NXPE2: variants seen among roughly 807,000 people sequenced by gnomAD.
The protein encoded by NXPE2 is NXPE family member 2.
Under a neutral mutation model 34.4 loss-of-function variants are expected in NXPE2, and 34 were observed. The ratio of observed to expected loss-of-function variants is 0.99; its 90% confidence interval spans 0.75 to 1.31. The LOEUF (loss-of-function observed/expected upper bound fraction) is 1.31. Ranked by LOEUF, NXPE2 falls within the 40% of genes most tolerant of loss-of-function variation. NXPE2 has a pLI of 0.00. For missense variants in NXPE2, 649 were observed against 672.5 expected (o/e 0.97, Z 0.39); for synonymous variants, 235 against 231.3 (o/e 1.02, Z -0.15).
chr11:114,484,172 C>T, the NXPE2 span, among the ~76,000 whole-genome samples: 4 of 152,188 alleles, frequency 2.6e-5, no homozygotes, highest in South Asian at 8.3e-4. Flanking sequence ...TACCCCTCCC[C>T]TATCCCTTTG....
the NXPE2 span, among the ~76,000 whole-genome samples, chr11:114,636,916 T>G: frequency 6.6e-6 from 1 of 152,068 alleles, no homozygotes; most frequent in Non-Finnish European, 1.5e-5. Context: ...GTGTGGTGTG[T>G]TGCTGAAAAA....
At chr11:114,524,538 A>C in the NXPE2 span, among the ~76,000 whole-genome samples, 2 of 152,202 alleles carry the variant, frequency 1.3e-5, no homozygotes, top group African/African-American at 2.4e-5. Flanking sequence ...AGTTTGTATA[A>C]TCCTATAATT....
chr11:114,575,247 G>A, the NXPE2 span, among the ~76,000 whole-genome samples: 1 of 152,026 alleles, frequency 6.6e-6, no homozygotes, highest in South Asian at 2.1e-4. Flanking sequence ...ACTGAATGGG[G>A]AAAAGTTGAA....
At chr11:114,720,837 G>T in the NXPE2 span, among the ~76,000 whole-genome samples, 1 of 152,114 alleles carries the variant, frequency 6.6e-6, no homozygotes. Context: ...GCACAGTTGA[G>T]CTCATGATTT....
chr11:114,611,763 G>T, the NXPE2 span, among the ~76,000 whole-genome samples: 8 of 151,790 alleles, frequency 5.3e-5, no homozygotes, highest in Non-Finnish European at 1.0e-4. Flanking sequence ...ATTGCCTCAT[G>T]GGTAACCACT....
At chr11:114,609,737 T>C in the NXPE2 span, among the ~76,000 whole-genome samples, 1 of 151,816 alleles carries the variant, frequency 6.6e-6, no homozygotes, top group African/African-American at 2.4e-5. Context: ...GCCTCATGGA[T>C]AACCACTGTT....
At chr11:114,795,227 G>A in the NXPE2 span, among the ~76,000 whole-genome samples, 2 of 152,172 alleles carry the variant, frequency 1.3e-5, no homozygotes, top group African/African-American at 2.4e-5. Flanking sequence ...TTGGAGAAGG[G>A]ATGTGAAGGA....
chr11:114,677,289 T>A (rs545157817), upstream of NXPE2, among the ~76,000 whole-genome samples: 5 of 151,994 alleles, frequency 3.3e-5, no homozygotes, highest in African/African-American at 1.2e-4. Context: ...ACCACACAAA[T>A]AAAAATAACC....
the NXPE2 span, chr11:114,521,854 G>T: frequency 1.2e-6 from 1 of 820,818 alleles, no homozygotes; most frequent in Non-Finnish European, 1.9e-6. Context: ...TCCCCAAACA[G>T]ATTCTTTTAA....
chr11:114,613,995 C>G, the NXPE2 span, among the ~76,000 whole-genome samples: 1 of 151,818 alleles, frequency 6.6e-6, no homozygotes, highest in Non-Finnish European at 1.5e-5. Flanking sequence ...AGGGTTACCA[C>G]TGTTACCCAG....
the NXPE2 span, among the ~76,000 whole-genome samples, chr11:114,721,563 A>G: frequency 6.6e-6 from 1 of 152,186 alleles, no homozygotes; most frequent in African/African-American, 2.4e-5. Flanking sequence ...CATGTGGAGG[A>G]TTAGCTGACA....
chr11:114,607,131 G>T, the NXPE2 span, among the ~76,000 whole-genome samples: 1 of 151,332 alleles, frequency 6.6e-6, no homozygotes, highest in Non-Finnish European at 1.5e-5. Context: ...TATAATAAGT[G>T]TTGCCTCTTG....
chr11:114,634,734 T>G, the NXPE2 span, among the ~76,000 whole-genome samples: 3 of 152,060 alleles, frequency 2.0e-5, no homozygotes, highest in Non-Finnish European at 4.4e-5. Flanking sequence ...CTTTCCCCAT[T>G]GCTTGTTTTT....
chr11:114,740,587 C>A, the NXPE2 span, among the ~76,000 whole-genome samples: 1 of 152,064 alleles, frequency 6.6e-6, no homozygotes, highest in African/African-American at 2.4e-5. Flanking sequence ...TTCCCACTAA[C>A]AATGTATAAG....
the NXPE2 span, among the ~76,000 whole-genome samples, chr11:114,629,037 A>G: frequency 1.3e-5 from 2 of 152,104 alleles, no homozygotes; most frequent in African/African-American, 4.8e-5. Flanking sequence ...TCAATAGCTT[A>G]CCAATGAAAA....
the NXPE2 span, among the ~76,000 whole-genome samples, chr11:114,624,704 C>T: frequency 6.6e-6 from 1 of 152,230 alleles, no homozygotes; most frequent in African/African-American, 2.4e-5. Flanking sequence ...CTAGGGTAAC[C>T]ACTGTCTCCT....
the NXPE2 span, among the ~76,000 whole-genome samples, chr11:114,636,709 T>C: frequency 6.6e-6 from 1 of 152,086 alleles, no homozygotes; most frequent in South Asian, 2.1e-4. Flanking sequence ...TCTGCCTTCA[T>C]TTCGTTATGT....
the NXPE2 span, among the ~76,000 whole-genome samples, chr11:114,765,289 C>T: frequency 1.3e-5 from 2 of 152,160 alleles, no homozygotes; most frequent in African/African-American, 4.8e-5. Context: ...TTGCACTTTG[C>T]AGATATTGTG....
At chr11:114,691,186 C>T (rs1467350949) in intron 2 of NXPE2, among the ~76,000 whole-genome samples, 2 of 152,060 alleles carry the variant, frequency 1.3e-5, no homozygotes, top group Non-Finnish European at 2.9e-5. Context: ...CTGGTTCCTT[C>T]TCATCTGACG....
Sources: allele counts gnomAD v4.1 joint callset (sites outside exome capture counted in the v4.1 genomes callset), GRCh38; gene constraint gnomAD v4.1.1; transcripts MANE v1.5; gene names NCBI Gene and HGNC (gene_info 2026-07-23, HGNC 2026-07-21).